Variants in SEMA5A observed in about 807,000 individuals in gnomAD.
SEMA5A encodes semaphorin-5A.
A neutral mutation model predicts 135.5 loss-of-function variants in SEMA5A; 55 were observed. That is an observed-to-expected ratio of 0.41 (90% CI 0.33 to 0.51). The LOEUF (loss-of-function observed/expected upper bound fraction) is 0.51, where lower values mean the gene tolerates loss of function less well. Ranked by LOEUF, SEMA5A falls within the 20% of genes least tolerant of loss-of-function variation. The pLI is 0.37. For synonymous variants in SEMA5A, 580 were observed against 546.5 expected (o/e 1.06, Z -0.85); for missense variants, 1,290 against 1,419.9 (o/e 0.91, Z 1.47).
chr5:9,227,048 G>A (rs1747355097), intron 6 of SEMA5A, 81 bp from the exon 7 acceptor site: 1 of 623,818 alleles, frequency 1.6e-6, no homozygotes, highest in Non-Finnish European at 2.3e-6. Context: ...CTGAGCACAA[G>A]AAGAATGGTG....
chr5:9,396,869 C>T (rs1465118070), intron 2 of SEMA5A, among the ~76,000 whole-genome samples: 2 of 152,154 alleles, frequency 1.3e-5, no homozygotes, highest in Admixed American at 1.3e-4. Context: ...ATCATGTCTG[C>T]CTCTGCTGTC....
chr5:9,229,991 T>G (rs552112238), intron 6 of SEMA5A, among the ~76,000 whole-genome samples: 1 of 152,066 alleles, frequency 6.6e-6, no homozygotes, highest in African/African-American at 2.4e-5. Context: ...TTTGTTTTTG[T>G]TTTTGTTTTT....
intron 11 of SEMA5A, among the ~76,000 whole-genome samples, chr5:9,183,444 C>A (rs1744634697): frequency 6.6e-6 from 1 of 152,200 alleles, no homozygotes. Flanking sequence ...CGTGCGATCT[C>A]ATCCAAGCCC....
chr5:9,403,590 T>A (rs1756756372), intron 2 of SEMA5A, among the ~76,000 whole-genome samples: 1 of 152,168 alleles, frequency 6.6e-6, no homozygotes, highest in South Asian at 2.1e-4. Flanking sequence ...ATGCATCATC[T>A]CACACTGACT....
chr5:9,315,800 T>A (rs1171158584), intron 5 of SEMA5A, among the ~76,000 whole-genome samples: 2 of 152,210 alleles, frequency 1.3e-5, no homozygotes, highest in Non-Finnish European at 2.9e-5. Context: ...CCCTTGACCT[T>A]TGACTATTTG....
chr5:9,278,997 T>C (rs1160019559), intron 5 of SEMA5A, among the ~76,000 whole-genome samples: 1 of 152,120 alleles, frequency 6.6e-6, no homozygotes, highest in Non-Finnish European at 1.5e-5. Flanking sequence ...CACTGCCTAG[T>C]GGAGCTGGCA....
chr5:9,195,353 G>C (rs1269086758), intron 10 of SEMA5A, among the ~76,000 whole-genome samples: 1 of 151,922 alleles, frequency 6.6e-6, no homozygotes, highest in African/African-American at 2.4e-5. Context: ...TATTATTTTT[G>C]TAGAGACAGG....
chr5:9,447,187 C>T (rs1412070245), intron 1 of SEMA5A, among the ~76,000 whole-genome samples: 1 of 152,204 alleles, frequency 6.6e-6, no homozygotes, highest in Non-Finnish European at 1.5e-5. Flanking sequence ...TCCTTCAACT[C>T]AGTAATGGAA....
chr5:9,380,310 C>T (rs1755542843), intron 2 of SEMA5A: 4 of 192,618 alleles, frequency 2.1e-5, no homozygotes, highest in East Asian at 1.3e-4. Context: ...GCTGTACTGT[C>T]GTCACACTCA....
chr5:9,190,590 G>A (rs1806093), intron 10 of SEMA5A, 119 bp from the exon 11 acceptor site: 72,550 of 834,782 alleles, frequency 0.087, 3,502 homozygotes, highest in African/African-American at 0.16. Flanking sequence ...CATCATTGAA[G>A]TATGCAAACA....
intron 13 of SEMA5A, among the ~76,000 whole-genome samples, chr5:9,129,718 A>G (rs1579446532): frequency 6.6e-6 from 1 of 152,224 alleles, no homozygotes; most frequent in Non-Finnish European, 1.5e-5. Flanking sequence ...ACTATTTAAT[A>G]TTAAACATTA....
chr5:9,055,699 G>A (rs1244123317), intron 18 of SEMA5A, among the ~76,000 whole-genome samples: 1 of 152,060 alleles, frequency 6.6e-6, no homozygotes, highest in Non-Finnish European at 1.5e-5. Context: ...AAATAAGTTT[G>A]CAATCTAACT....
At chr5:9,187,784 T>C (rs1028326056) in intron 11 of SEMA5A, among the ~76,000 whole-genome samples, 9 of 152,176 alleles carry the variant, frequency 5.9e-5, no homozygotes, top group African/African-American at 2.2e-4. Flanking sequence ...AAATGGCACA[T>C]AGTATATCAA....
intron 5 of SEMA5A, among the ~76,000 whole-genome samples, chr5:9,258,281 C>T (rs975779249): frequency 2.6e-5 from 4 of 152,108 alleles, no homozygotes; most frequent in African/African-American, 9.7e-5. Flanking sequence ...CTCAGGGAAC[C>T]AAAATTTTAC....
intron 16 of SEMA5A, among the ~76,000 whole-genome samples, chr5:9,106,078 A>G (rs1008795414): frequency 4.6e-5 from 7 of 152,148 alleles, no homozygotes; most frequent in African/African-American, 1.7e-4. Flanking sequence ...AGAAAAATAT[A>G]CTCCTACCAC....
intron 1 of SEMA5A, among the ~76,000 whole-genome samples, chr5:9,445,452 G>A (rs1256779164): frequency 3.3e-5 from 5 of 151,834 alleles, no homozygotes; most frequent in East Asian, 1.9e-4. Context: ...GGCGGATCAC[G>A]AGGTCAGGAG....
At chr5:9,496,566 A>G (rs776092246) in intron 1 of SEMA5A, among the ~76,000 whole-genome samples, 7 of 152,320 alleles carry the variant, frequency 4.6e-5, no homozygotes, top group Non-Finnish European at 8.8e-5. Context: ...GAATATAGCC[A>G]AAAGAAATAT....
At chr5:9,405,765 T>C (rs1351185935) in intron 2 of SEMA5A, among the ~76,000 whole-genome samples, 1 of 152,208 alleles carries the variant, frequency 6.6e-6, no homozygotes, top group African/African-American at 2.4e-5. Flanking sequence ...GGACTTCGAA[T>C]ATGCTGGATT....
rs148294155 is a variant in SEMA5A, at chr5:9,237,177, CAGA to C, written c.333+648_333+650del. Among the ~76,000 whole-genome samples, 1,262 of 152,292 alleles carry C rather than the reference CAGA, an allele frequency of 8.3e-3. 17 individuals are homozygous for C. The highest frequency in any genetic ancestry group is 0.028 in the African/African-American group (1,170 of 41,560). ...ACACAGTGAGCCTGTTCACAAGCTGCAGAAGAATTTCCTCAAGTTGATCATGAA... is the reference window on the plus strand; with the variant it reads ...ACACAGTGAGCCTGTTCACAAGCTGCAGAATTTCCTCAAGTTGATCATGAA... On this transcript the variant is annotated intron_variant, in intron 6 of 22. Transcript: ENST00000382496.
Sources: gnomAD v4.1 joint callset for allele counts (sites outside exome capture counted in the v4.1 genomes callset) on GRCh38, gnomAD v4.1.1 for gene constraint, MANE v1.5 for transcripts, NCBI Gene and HGNC (gene_info 2026-07-23, HGNC 2026-07-21) for gene names.